Variants in WWOX observed in about 807,000 individuals in gnomAD.
WWOX encodes WW domain-containing oxidoreductase.
Under a neutral mutation model 46.2 loss-of-function variants are expected in WWOX, and 69 were observed. The observed-to-expected ratio is 1.49, with a 90% CI of 1.23 to 1.82. The LOEUF (loss-of-function observed/expected upper bound fraction) is 1.82. WWOX is among the 40% of genes most tolerant of loss of function. The pLI is 0.00. For missense variants in WWOX, 919 were observed against 542.6 expected, an observed-to-expected ratio of 1.69 and a Z score of -6.89; for synonymous variants, 359 against 202.6, an observed-to-expected ratio of 1.77 and a Z score of -6.56.
chr16:78,298,124 G>A (rs1425910495), intron 5 of WWOX, among the ~76,000 whole-genome samples: 3 of 152,260 alleles, frequency 2.0e-5, no homozygotes, highest in South Asian at 4.1e-4. Flanking sequence ...CATCATGAAT[G>A]TAAGTTTTCT....
intron 8 of WWOX, among the ~76,000 whole-genome samples, chr16:78,519,008 C>G (rs2043294708): frequency 6.6e-6 from 1 of 152,206 alleles, no homozygotes; most frequent in Non-Finnish European, 1.5e-5. Context: ...CACCTACTGG[C>G]AAGTGGATAG....
At chr16:79,128,643 A>G (rs544122810) in intron 8 of WWOX, among the ~76,000 whole-genome samples, 26 of 152,318 alleles carry the variant, frequency 1.7e-4, no homozygotes, top group African/African-American at 6.0e-4. Flanking sequence ...TTTCCAAAGA[A>G]TGATTTCACT....
At chr16:78,202,530 G>C (rs924740193) in intron 5 of WWOX, among the ~76,000 whole-genome samples, 1 of 152,164 alleles carries the variant, frequency 6.6e-6, no homozygotes, top group African/African-American at 2.4e-5. Context: ...CATTGACTTG[G>C]TTGTTGATCT....
intron 8 of WWOX, among the ~76,000 whole-genome samples, chr16:78,470,220 A>G (rs2084188480): frequency 6.6e-6 from 1 of 152,178 alleles, no homozygotes; most frequent in African/African-American, 2.4e-5. Flanking sequence ...TTGCAGGACC[A>G]TGTGTGGAGC....
At chr16:78,620,084 A>G (rs917936469) in intron 8 of WWOX, among the ~76,000 whole-genome samples, 2 of 152,204 alleles carry the variant, frequency 1.3e-5, no homozygotes, top group African/African-American at 4.8e-5. Context: ...ATAATGAGTT[A>G]GAATACCTAG....
intron 8 of WWOX, among the ~76,000 whole-genome samples, chr16:78,990,288 A>T (rs1386205179): frequency 6.6e-6 from 1 of 151,740 alleles, no homozygotes; most frequent in Non-Finnish European, 1.5e-5. Flanking sequence ...CCTGTTTTCC[A>T]TGAAGCCTGA....
At chr16:78,353,537 G>C (rs1246689461) in intron 5 of WWOX, among the ~76,000 whole-genome samples, 3 of 152,176 alleles carry the variant, frequency 2.0e-5, no homozygotes, top group African/African-American at 7.2e-5. Context: ...GGATTAGCAA[G>C]CCAAAGACTT....
intron 1 of WWOX, 65 bp from the exon 2 acceptor site, chr16:78,108,358 C>A: frequency 1.3e-6 from 2 of 1,514,490 alleles, no homozygotes; most frequent in Non-Finnish European, 1.8e-6. Context: ...AAATTTAATA[C>A]AATTGATTAC....
At chr16:78,628,444 A>G (rs368261216) in intron 8 of WWOX, among the ~76,000 whole-genome samples, 44 of 152,264 alleles carry the variant, frequency 2.9e-4, no homozygotes, top group African/African-American at 9.9e-4. Flanking sequence ...CAGTATTTCT[A>G]TCAAGCTCCC....
chr16:78,269,150 C>A (rs2079425459), intron 5 of WWOX: 1 of 152,160 alleles, frequency 6.6e-6, no homozygotes, highest in Admixed American at 6.5e-5. Context: ...CAGCTTGAAG[C>A]CAGCTAAAGT....
At chr16:78,529,270 T>C (rs1354718195) in intron 8 of WWOX, among the ~76,000 whole-genome samples, 1 of 152,130 alleles carries the variant, frequency 6.6e-6, no homozygotes, top group Non-Finnish European at 1.5e-5. Context: ...CTTTCTATTA[T>C]ATAGATTTTA....
chr16:79,153,128 G>T (rs1221524878), intron 8 of WWOX, among the ~76,000 whole-genome samples: 4 of 152,144 alleles, frequency 2.6e-5, no homozygotes, highest in Admixed American at 2.6e-4. Flanking sequence ...TCATGGGCTT[G>T]CTATATTTTT....
chr16:78,666,041 C>G lies in WWOX; in HGVS notation c.1056+233289C>G, dbSNP rs186580303. 3.0e-3 allele frequency among the ~76,000 whole-genome samples: 450 copies of G among 152,010 alleles called. 2 individuals are homozygous for G. Among genetic ancestry groups the G allele is most frequent in the African/African-American group, 0.01 (428 of 41,520 alleles). On this transcript the variant is annotated intron_variant, in intron 8 of 8. Transcript: ENST00000566780. ...GGCTCATGCCTGTAATCCCAACACTCTGGGAGGCTAAGGCTGGAGGATTGC... is the reference window on the plus strand; with the variant it reads ...GGCTCATGCCTGTAATCCCAACACTGTGGGAGGCTAAGGCTGGAGGATTGC...
At chr16:78,349,301 T>C (rs940573774) in intron 5 of WWOX, among the ~76,000 whole-genome samples, 1 of 120,528 alleles carries the variant, frequency 8.3e-6, no homozygotes, top group Non-Finnish European at 2.0e-5. Context: ...CACCTCTTTA[T>C]AGGCCGTACC....
At chr16:78,585,584 AC>A in intron 8 of WWOX, among the ~76,000 whole-genome samples, 3 of 150,462 alleles carry the variant, frequency 2.0e-5, no homozygotes, top group Non-Finnish European at 4.4e-5. Context: ...CTCCACCAGG[AC>A]CTCTTGACTC....
At chr16:78,957,650 C>T (rs550930725) in intron 8 of WWOX, among the ~76,000 whole-genome samples, 1 of 152,298 alleles carries the variant, frequency 6.6e-6, no homozygotes, top group South Asian at 2.1e-4. Flanking sequence ...ACTACAGATT[C>T]TATCTCTAAA....
At chr16:79,069,614 A>G (rs2048510807) in intron 8 of WWOX, among the ~76,000 whole-genome samples, 1 of 151,750 alleles carries the variant, frequency 6.6e-6, no homozygotes, top group African/African-American at 2.4e-5. Context: ...TGCTGTTATC[A>G]ACCATTATTG....
intron 8 of WWOX, among the ~76,000 whole-genome samples, chr16:78,593,619 A>C (rs1312246034): frequency 6.6e-6 from 1 of 152,152 alleles, no homozygotes; most frequent in African/African-American, 2.4e-5. Context: ...GCCACAGTTG[A>C]CAGGGGGAGG....
intron 8 of WWOX, among the ~76,000 whole-genome samples, chr16:78,597,931 T>C (rs1038839387): frequency 2.0e-5 from 3 of 152,120 alleles, no homozygotes; most frequent in Non-Finnish European, 2.9e-5. Flanking sequence ...TACTGAGTTA[T>C]GTTTGGGTCA....
Sources: gnomAD v4.1 joint callset for allele counts (sites outside exome capture counted in the v4.1 genomes callset) on GRCh38, gnomAD v4.1.1 for gene constraint, MANE v1.5 for transcripts, NCBI Gene and HGNC (gene_info 2026-07-23, HGNC 2026-07-21) for gene names.